The following PNKP variants were observed in gnomAD, a reference collection of about 807,000 sequenced individuals.
PNKP encodes the protein polynucleotide kinase 3'-phosphatase, also known as bifunctional polynucleotide phosphatase/kinase.
PNKP carries 82 observed loss-of-function variants against 66.2 expected under a neutral mutation model. That is an observed-to-expected ratio of 1.24 (90% confidence interval 1.04 to 1.49). The LOEUF (loss-of-function observed/expected upper bound fraction) is 1.49. Ranked by LOEUF, PNKP falls within the 40% of genes most tolerant of loss-of-function variation. The pLI is 0.00. For synonymous variants in PNKP, 412 were observed against 298.9 expected (o/e 1.38, Z -3.90); for missense variants, 907 against 706.8 (o/e 1.28, Z -3.21).
intron 1 of PNKP, 28 bp from the exon 2 acceptor site, chr19:49,867,245 G>A (rs781443389): frequency 1.9e-6 from 3 of 1,578,116 alleles, no homozygotes; most frequent in Non-Finnish European, 2.6e-6. Flanking sequence ...GGGCTTGAGC[G>A]GCGCACAGCC....
intron 3 of PNKP, 94 bp downstream of exon 3, chr19:49,866,305 C>T (rs1042236529): frequency 5.0e-5 from 59 of 1,189,098 alleles, no homozygotes; most frequent in Non-Finnish European, 7.1e-5. Flanking sequence ...CGGCCCCAAT[C>T]AGATTTTCCT....
chr19:49,861,276 C>G lies in PNKP; in HGVS notation c.1538G>C (p.Arg513Pro). 6.2e-7 allele frequency: 1 copy of G among 1,613,098 alleles called. No individual in the cohort carries two copies. Among genetic ancestry groups the G allele is most frequent in the South Asian group, 1.1e-5 (1 of 91,064 alleles). The change falls in exon 17 of 17, where the codon CGG becomes CCG. Residue 513 changes from arginine to proline, a missense_variant. Transcript: ENST00000322344. The stretch of plus-strand genomic sequence containing the variant: ...GCCCTCGGAGAACTGGCAGTACAGC[C>G]GCCCCAGCCTCGGCTCCACCCATAG... ...FRLWVEPRLG[R>P]LYCQFSEG
At chr19:49,864,143 G>C (rs180965613) in intron 6 of PNKP, 36 bp downstream of exon 6, 9 of 1,611,916 alleles carry the variant, frequency 5.6e-6, no homozygotes, top group Admixed American at 1.7e-5. Context: ...GGACCGCCAC[G>C]TGCACGTGCC....
At chr19:49,862,324 C>G in intron 11 of PNKP, 43 bp from the exon 12 acceptor site, 1 of 1,540,298 alleles carries the variant, frequency 6.5e-7, no homozygotes, top group Non-Finnish European at 8.8e-7. Context: ...GTCCCCATCC[C>G]CGGGAGCCCT....
intron 8 of PNKP, among the ~76,000 whole-genome samples, chr19:49,863,111 G>A (rs2074791777): frequency 2.0e-5 from 3 of 152,166 alleles, no homozygotes; most frequent in Admixed American, 2.0e-4. Context: ...CTTAGAGCCA[G>A]CCGCATGGGC....
intron 14 of PNKP, 26 bp from the exon 15 acceptor site, chr19:49,861,721 A>G (rs1448751328): frequency 6.5e-7 from 1 of 1,548,764 alleles, no homozygotes; most frequent in Non-Finnish European, 8.7e-7. Context: ...CTGGATGTGC[A>G]GGCCCCGCCC....
At chr19:49,863,838 G>C in intron 7 of PNKP, 78 bp from the exon 8 acceptor site, 1 of 1,414,744 alleles carries the variant, frequency 7.1e-7, no homozygotes, top group Non-Finnish European at 9.8e-7. Context: ...AGAATTTGTA[G>C]CTGATGATGG....
Position 49,861,331 on chromosome 19 carries a change from A to C in PNKP, c.1483T>G (p.Phe495Val), listed in dbSNP as rs1165689250. Residue 495 changes from phenylalanine to valine, a missense_variant, in exon 17 of 17, where the codon TTC (phenylalanine) becomes GTC (valine). By Grantham distance (50) the Phe-to-Val change is conservative. Transcript: ENST00000322344. ...AACGGGATCTCCAGGATGGCAGAGA[A>C]GCCTTCAGCCAGCGTTGGGGCCTCG... Reference protein sequence around the residue: ...QFEAPTLAEGFSAILEIPFRL... With the variant: ...QFEAPTLAEGVSAILEIPFRL... 3 of 1,614,042 alleles carry C rather than the reference A, an allele frequency of 1.9e-6. No homozygotes were observed. In the African/African-American group the frequency reaches 4.0e-5, roughly 22 times the overall value.
chr19:49,865,538 G>A (rs1265889628), intron 3 of PNKP, 112 bp from the exon 4 acceptor site: 1 of 695,740 alleles, frequency 1.4e-6, no homozygotes, highest in African/African-American at 1.8e-5. Context: ...AGACCCTTAG[G>A]CCCCACCTCT....
At chr19:49,864,130 G>A (rs1326646280) in intron 6 of PNKP, 49 bp downstream of exon 6, 1 of 1,611,994 alleles carries the variant, frequency 6.2e-7, no homozygotes, top group South Asian at 1.1e-5. Flanking sequence ...TCTGACTGCG[G>A]TCGGACCGCC....
chr19:49,862,816 C>T (rs1265136063), intron 8 of PNKP, 78 bp from the exon 9 acceptor site: 6 of 1,464,034 alleles, frequency 4.1e-6, no homozygotes, highest in Non-Finnish European at 5.7e-6. Flanking sequence ...GGCTGCTTCG[C>T]CTGGTCTGTG....
At chr19:49,864,554 A>C in intron 4 of PNKP, 151 bp from the exon 5 acceptor site, 1 of 724,156 alleles carries the variant, frequency 1.4e-6, no homozygotes, top group South Asian at 1.4e-5. Context: ...CTCCATCTCA[A>C]GCATCCGTGA....
rs1418295131 is a variant in PNKP at position 49,862,625 on chromosome 19, AC to A, written c.866-18del. 7 of 1,613,560 alleles carry A rather than the reference AC, an allele frequency of 4.3e-6. No homozygotes were observed. The highest frequency in any genetic ancestry group is 5.9e-6 in the Non-Finnish European group (7 of 1,179,858). On this transcript the variant is annotated intron_variant, in intron 9 of 16. Coordinates refer to ENST00000322344, the MANE Select transcript of PNKP (RefSeq NM_007254.4). ...CGGCTGCGTCTGGAACACACGGGAC[AC>A]CCCGTTCCCACCAGCTCGGAGGGAG...
At position 49,864,063 on chromosome 19, in the gene PNKP, G is replaced by C; in HGVS notation, c.645C>G (p.Ile215Met). The C allele has an allele frequency of 1.9e-6, 3 of 1,613,692 alleles. No homozygotes were observed. The South Asian group carries it at 3.3e-5, about 18-fold the overall frequency. The change falls in exon 7 of 17, where the codon ATC (isoleucine) becomes ATG (methionine). Residue 215 changes from isoleucine (I) to methionine (M), a missense_variant. Physicochemically the swap from Ile to Met is conservative, Grantham distance 10. Coordinates refer to ENST00000322344, the MANE Select transcript of PNKP (RefSeq NM_007254.4). ...GCCCGATGCTCATCTGGTTGGTGAA[G>C]ATCACCAGCTGGGGAGCAAAGGGTG... ...ELEAEGYKLV[I>M]FTNQMSIGRG...
Position 49,862,446 on chromosome 19 carries a change from G to A in PNKP, c.954C>T (p.Gly318=), listed in dbSNP as rs2074781972. 6.3e-7 allele frequency: 1 copy of A among 1,588,472 alleles called. No homozygotes were observed. The highest frequency in any genetic ancestry group is 1.8e-5 in the Admixed American group (1 of 56,032). Residue 318 remains glycine, a synonymous_variant, in exon 11 of 17, where the codon GGC becomes GGT. Transcript: ENST00000322344. ...CADRLFALNL[G]LPFATPEEFF... ...ACTCCTCAGGCGTGGCGAAGGGCAG[G>A]CCAAGGTTGAGGGCAAACTAGGGGT... is the stretch of plus-strand genomic sequence containing the variant.
At position 49,864,337 on chromosome 19, in the gene PNKP, G is replaced by A; in HGVS notation, c.565C>T (p.Pro189Ser). Residue 189 changes from proline (P) to serine (S), a missense_variant, in exon 5 of 17, where the codon CCC (proline) becomes TCC (serine). Physicochemically the swap from Pro to Ser is moderately conservative, Grantham distance 74. Coordinates refer to ENST00000322344, the MANE Select transcript of PNKP (RefSeq NM_007254.4). ...TRSGKVFPTGPSDWRILYPEI... is the reference protein window; with the variant it reads ...TRSGKVFPTGSSDWRILYPEI... The stretch of plus-strand genomic sequence containing the variant: ...GCCTCTTATCACCTCCAGTCACTGG[G>A]GCCAGTGGGAAAGACCTTCCCAGAG... The A allele has an allele frequency of 1.9e-6, 3 of 1,613,802 alleles. No homozygotes were observed. Among genetic ancestry groups the A allele is most frequent in the South Asian group, 1.1e-5 (1 of 91,074 alleles).
intron 8 of PNKP, among the ~76,000 whole-genome samples, chr19:49,863,182 C>T (rs1349958645): frequency 2.6e-5 from 4 of 152,230 alleles, no homozygotes; most frequent in Non-Finnish European, 5.9e-5. Context: ...CTTGCTGTCA[C>T]TCCCACAAGG....
At chr19:49,864,678 T>C (rs566074930) in intron 4 of PNKP, among the ~76,000 whole-genome samples, 4 of 152,324 alleles carry the variant, frequency 2.6e-5, no homozygotes, top group African/African-American at 7.2e-5. Context: ...CCAGCCTCCT[T>C]CTTCCCCTGG....
Position 49,867,392 on chromosome 19 carries a change from TC to T in PNKP, c.-14+76del. 1.4e-5 allele frequency: 9 copies of T among 650,744 alleles called. 2 individuals are homozygous for T. In the South Asian group the frequency reaches 1.7e-4, roughly 12 times the overall value. 40.3% of individuals were successfully genotyped at this position (650,744 alleles called of 1,614,324 possible). On this transcript the variant is annotated intron_variant, in intron 1 of 16. Coordinates refer to ENST00000322344, the MANE Select transcript of PNKP (RefSeq NM_007254.4). ...CAGGCGACGACGCGTGCTCCATCCCTCCCCGAGTTGCAATCCCCACTTTCCA... is the reference window on the plus strand; with the variant it reads ...CAGGCGACGACGCGTGCTCCATCCCTCCCGAGTTGCAATCCCCACTTTCCA...
Sources: gnomAD v4.1 joint callset for allele counts (sites outside exome capture counted in the v4.1 genomes callset) on GRCh38, gnomAD v4.1.1 for gene constraint, MANE v1.5 for transcripts, NCBI Gene and HGNC (gene_info 2026-07-23, HGNC 2026-07-21) for gene names.